Variants in LYPLA1 observed in about 807,000 individuals in gnomAD.
The protein encoded by LYPLA1 is lysophospholipase 1, also known as acyl-protein thioesterase 1.
A neutral mutation model predicts 34.0 loss-of-function variants in LYPLA1; 17 were observed. The observed-to-expected ratio is 0.50, with a 90% confidence interval of 0.34 to 0.75. LYPLA1 has a LOEUF of 0.75. Ranked by LOEUF, LYPLA1 falls within the 30% of genes least tolerant of loss-of-function variation. The pLI is 0.01. For synonymous variants in LYPLA1, 98 were observed against 100.8 expected (o/e 0.97, Z 0.17); for missense variants, 203 against 288.8 (o/e 0.70, Z 2.15).
At chr8:54,071,636 T>A (rs1286981406) in intron 2 of LYPLA1, among the ~76,000 whole-genome samples, 1 of 151,954 alleles carries the variant, frequency 6.6e-6, no homozygotes, top group Non-Finnish European at 1.5e-5. Context: ...TGAGTTACAA[T>A]TGCCACAAAA....
At position 54,046,997 on chromosome 8, in the gene LYPLA1, G is replaced by A. The variant is rs1805524154; in HGVS notation, c.*1068C>T. 1 of 152,142 alleles carries A rather than the reference G, an allele frequency of 6.6e-6. No individual in the cohort carries two copies. The highest frequency in any genetic ancestry group is 2.1e-4 in the South Asian group (1 of 4,836). The allele number at this position is 152,142 out of a possible 1,614,324, so 9.4% of individuals were successfully genotyped here. On this transcript the variant is annotated 3_prime_UTR_variant, in exon 9 of 9. Coordinates refer to ENST00000316963, the MANE Select transcript of LYPLA1 (RefSeq NM_006330.4). The stretch of plus-strand genomic sequence containing the variant: ...TACAATAGATTCCTCATCTTCTACA[G>A]TAGTTGGTTTCAAACGTGTACAAAG...
intron 1 of LYPLA1, chr8:54,101,255 C>T (rs1810120003): frequency 2.7e-6 from 2 of 735,794 alleles, no homozygotes; most frequent in Non-Finnish European, 3.5e-6. Flanking sequence ...TCTCACATAT[C>T]CTGTAGAATT....
chr8:54,063,894 G>A (rs1806849800), intron 3 of LYPLA1, among the ~76,000 whole-genome samples: 1 of 152,122 alleles, frequency 6.6e-6, no homozygotes, highest in South Asian at 2.1e-4. Flanking sequence ...TCAAGTCTGT[G>A]ATTAAAAATA....
intron 2 of LYPLA1, among the ~76,000 whole-genome samples, chr8:54,079,555 C>T (rs927925777): frequency 6.6e-6 from 1 of 152,086 alleles, no homozygotes; most frequent in Admixed American, 6.6e-5. Context: ...TTGACCCCAG[C>T]AGTTTGGGAG....
intron 2 of LYPLA1, 138 bp downstream of exon 2, chr8:54,100,770 C>A: frequency 2.9e-6 from 2 of 688,524 alleles, no homozygotes; most frequent in Non-Finnish European, 5.1e-6. Context: ...AACATAAAAT[C>A]ACCGCACTGT....
At chr8:54,060,275 G>A (rs1049495470) in intron 5 of LYPLA1, among the ~76,000 whole-genome samples, 6 of 151,968 alleles carry the variant, frequency 3.9e-5, no homozygotes, top group Admixed American at 3.3e-4. Context: ...ACGGGCAGGC[G>A]CTACCATGCC....
intron 2 of LYPLA1, among the ~76,000 whole-genome samples, chr8:54,091,044 A>G (rs1809206798): frequency 6.6e-6 from 1 of 152,218 alleles, no homozygotes; most frequent in South Asian, 2.1e-4. Context: ...TATAGCAGCA[A>G]GAGAACTAAT....
chr8:54,052,396 T>C (rs1805905851), intron 7 of LYPLA1, among the ~76,000 whole-genome samples: 1 of 152,054 alleles, frequency 6.6e-6, no homozygotes, highest in African/African-American at 2.4e-5. Context: ...GTGATGGTGA[T>C]GTGTCAGTGC....
At chr8:54,058,784 G>T (rs1806391088) in intron 5 of LYPLA1, among the ~76,000 whole-genome samples, 1 of 151,762 alleles carries the variant, frequency 6.6e-6, no homozygotes, top group East Asian at 1.9e-4. Context: ...GCCCAGGCTG[G>T]TTTTGAACCC....
chr8:54,098,743 C>T (rs1257693368), intron 2 of LYPLA1, among the ~76,000 whole-genome samples: 2 of 152,146 alleles, frequency 1.3e-5, no homozygotes, highest in Non-Finnish European at 2.9e-5. Flanking sequence ...TAAAGTATTT[C>T]TGGAATTTTT....
chr8:54,048,597 G>A (rs1408933665), intron 8 of LYPLA1, among the ~76,000 whole-genome samples: 1 of 152,152 alleles, frequency 6.6e-6, no homozygotes, highest in Non-Finnish European at 1.5e-5. Flanking sequence ...ATGTTCCTGG[G>A]AAGATATGAA....
chr8:54,098,772 C>T (rs1439768665), intron 2 of LYPLA1, among the ~76,000 whole-genome samples: 1 of 152,140 alleles, frequency 6.6e-6, no homozygotes, highest in African/African-American at 2.4e-5. Context: ...ATTTTCAAAC[C>T]ACAGTTAACC....
In LYPLA1 at chr8:54,101,763, TG is replaced by T; in HGVS notation, c.60del (p.Thr21ProfsTer4). The part of the protein sequence containing the change: ...LPAIVPAARK[A>X]TAAVIFLHGL... The stretch of plus-strand genomic sequence containing the variant: ...ACGCCTACGCCACTCACCGCAGCGG[TG>T]GCCTTCCGGGCGGCGGGCACGATGG... On this transcript the variant is annotated frameshift_variant, in exon 1 of 9. Transcript: ENST00000316963. LOFTEE classifies it high-confidence loss of function. The T allele has an allele frequency of 7.7e-7, 1 of 1,301,482 alleles. No individual in the cohort carries two copies. The highest frequency in any genetic ancestry group is 9.8e-7 in the Non-Finnish European group (1 of 1,016,684). The allele number at this position is 1,301,482 out of a possible 1,614,324, so 80.6% of individuals were successfully genotyped here. A position where few individuals can be genotyped will look rare whatever the true frequency, so the allele number is the denominator to read the frequency against.
chr8:54,057,243 C>T (rs753646847), intron 5 of LYPLA1, among the ~76,000 whole-genome samples: 7 of 152,060 alleles, frequency 4.6e-5, no homozygotes, highest in Admixed American at 6.5e-5. Flanking sequence ...AACCAGCAAT[C>T]CCACTGGATA....
In LYPLA1 at chr8:54,047,501, G is replaced by A. The variant is rs527252922; in HGVS notation, c.*564C>T. 7 of 151,734 alleles carry A rather than the reference G, an allele frequency of 4.6e-5. No homozygotes were observed. The highest frequency in any genetic ancestry group is 9.7e-5 in the African/African-American group (4 of 41,284). The allele number at this position is 151,734 out of a possible 1,614,324, so 9.4% of individuals were successfully genotyped here. A position where few individuals can be genotyped will look rare whatever the true frequency, so the allele number is the denominator to read the frequency against. ...AAAAGGGCCATTAATTGAAGAGAAC[G>A]ATTTTACTTTTTCTTGACAATAAAC... is the stretch of plus-strand genomic sequence containing the variant. On this transcript the variant is annotated 3_prime_UTR_variant, in exon 9 of 9. Coordinates refer to ENST00000316963, the MANE Select transcript of LYPLA1 (RefSeq NM_006330.4).
At chr8:54,068,444 C>T (rs1807239898) in intron 2 of LYPLA1, among the ~76,000 whole-genome samples, 1 of 152,160 alleles carries the variant, frequency 6.6e-6, no homozygotes, top group Non-Finnish European at 1.5e-5. Flanking sequence ...AATTAGAGGA[C>T]TCACACTTCT....
At chr8:54,067,772 T>G (rs1018002255) in intron 2 of LYPLA1, among the ~76,000 whole-genome samples, 1 of 150,808 alleles carries the variant, frequency 6.6e-6, no homozygotes, top group African/African-American at 2.4e-5. Flanking sequence ...CTCGGCTCAC[T>G]GCAAGCCCCA....
intron 2 of LYPLA1, among the ~76,000 whole-genome samples, chr8:54,097,592 T>C (rs1809787506): frequency 6.6e-6 from 1 of 152,202 alleles, no homozygotes; most frequent in African/African-American, 2.4e-5. Flanking sequence ...TGTGATTATA[T>C]AATGTTTAAA....
rs200300967 is a variant in LYPLA1 at position 54,052,725 on chromosome 8, G to A, written c.392C>T (p.Thr131Ile). The change falls in exon 7 of 9, where the codon ACC becomes ATC. Residue 131 changes from threonine to isoleucine, a missense_variant. Thr to Ile is a moderately conservative substitution (Grantham distance 89). Coordinates refer to ENST00000316963, the MANE Select transcript of LYPLA1 (RefSeq NM_006330.4). Reference sequence around the variant, plus strand: ...GACACCTGCCAGTTTCTGCTGTGTGGTAAGGGCAGTATATAAAGATAAAGC... The same window carrying A: ...GACACCTGCCAGTTTCTGCTGTGTGATAAGGGCAGTATATAAAGATAAAGC... ...GGALSLYTALTTQQKLAGVTA... is the reference protein window; with the variant it reads ...GGALSLYTALITQQKLAGVTA... 2.5e-6 allele frequency: 4 copies of A among 1,613,588 alleles called. No individual in the cohort carries two copies. Among genetic ancestry groups the A allele is most frequent in the African/African-American group, 2.7e-5 (2 of 74,890 alleles).
Sources: gnomAD v4.1 joint callset for allele counts (sites outside exome capture counted in the v4.1 genomes callset) on GRCh38, gnomAD v4.1.1 for gene constraint, MANE v1.5 for transcripts, NCBI Gene and HGNC (gene_info 2026-07-23, HGNC 2026-07-21) for gene names.